The following C12orf42 variants were observed in gnomAD, a reference collection of about 807,000 sequenced individuals.
C12orf42 encodes uncharacterized protein C12orf42.
Under a neutral mutation model 21.6 loss-of-function variants are expected in C12orf42, and 25 were observed. That is an observed-to-expected ratio of 1.16 (90% CI 0.84 to 1.62). The LOEUF is 1.62. C12orf42 is among the 40% of genes most tolerant of loss of function. The pLI is 0.00. For synonymous variants in C12orf42, 174 were observed against 175.0 expected (o/e 0.99, Z 0.05); for missense variants, 483 against 459.3 (o/e 1.05, Z -0.47).
chr12:103,379,159 T>C (rs12829170), intron 3 of C12orf42, among the ~76,000 whole-genome samples: 18,024 of 152,188 alleles, frequency 0.12, 1,198 homozygotes, highest in African/African-American at 0.19. Flanking sequence ...CTTTCTGAAG[T>C]TGTTTTCCAG....
At chr12:103,352,595 T>A (rs1240291090) in intron 4 of C12orf42, among the ~76,000 whole-genome samples, 1 of 151,984 alleles carries the variant, frequency 6.6e-6, no homozygotes, top group East Asian at 1.9e-4. Flanking sequence ...CTCTTTAAAG[T>A]CCCCGTGCAC....
the C12orf42 span, among the ~76,000 whole-genome samples, chr12:103,521,248 CA>C: frequency 2.0e-5 from 3 of 152,134 alleles, no homozygotes; most frequent in Non-Finnish European, 4.4e-5. Flanking sequence ...CAAACTTAAC[CA>C]ATCATTGCAT....
intron 3 of C12orf42, among the ~76,000 whole-genome samples, chr12:103,384,196 A>G (rs531414741): frequency 5.3e-5 from 8 of 152,352 alleles, no homozygotes; most frequent in African/African-American, 1.7e-4. Context: ...TGAGGAATTT[A>G]TATGTCATCA....
At chr12:103,326,418 C>T (rs979214655) in intron 4 of C12orf42, among the ~76,000 whole-genome samples, 13 of 152,206 alleles carry the variant, frequency 8.5e-5, no homozygotes, top group African/African-American at 2.9e-4. Context: ...GATCCTGTTG[C>T]TTCCTTGCTC....
intron 10 of C12orf42, among the ~76,000 whole-genome samples, chr12:103,241,838 T>C (rs1395295516): frequency 6.6e-6 from 1 of 152,178 alleles, no homozygotes; most frequent in Non-Finnish European, 1.5e-5. Flanking sequence ...AACATGTGTG[T>C]TACACTCATT....
At chr12:103,126,606 G>A in the C12orf42 span, among the ~76,000 whole-genome samples, 1 of 151,010 alleles carries the variant, frequency 6.6e-6, no homozygotes, top group Non-Finnish European at 1.5e-5. Context: ...GTAAATATTA[G>A]AAAGGAAGAC....
At chr12:103,110,427 T>C in the C12orf42 span, among the ~76,000 whole-genome samples, 1 of 152,290 alleles carries the variant, frequency 6.6e-6, no homozygotes, top group African/African-American at 2.4e-5. Flanking sequence ...TCAGGATAAG[T>C]AAGGGTTATC....
intron 2 of C12orf42, among the ~76,000 whole-genome samples, chr12:103,433,227 CTG>C: frequency 6.6e-6 from 1 of 152,268 alleles, no homozygotes; most frequent in Non-Finnish European, 1.5e-5. Context: ...CCTTCCTTTC[CTG>C]TGTTTTACTG....
chr12:103,074,953 A>C, the C12orf42 span, among the ~76,000 whole-genome samples: 1 of 151,954 alleles, frequency 6.6e-6, no homozygotes, highest in Admixed American at 6.6e-5. Context: ...TCTGGACTTG[A>C]TAGTGCATGC....
the C12orf42 span, among the ~76,000 whole-genome samples, chr12:103,525,922 G>A: frequency 6.6e-6 from 1 of 152,160 alleles, no homozygotes; most frequent in Non-Finnish European, 1.5e-5. Flanking sequence ...CAGCTACTTG[G>A]AGGCTGAGGC....
chr12:103,239,130 T>G (rs991114524), intron 10 of C12orf42, among the ~76,000 whole-genome samples: 1 of 152,210 alleles, frequency 6.6e-6, no homozygotes, highest in Non-Finnish European at 1.5e-5. Flanking sequence ...CTATAATATT[T>G]GGATAAAATA....
At chr12:103,506,029 C>T in the C12orf42 span, 1 of 209,902 alleles carries the variant, frequency 4.8e-6, no homozygotes, top group South Asian at 8.5e-5. Context: ...CCTTCTGTGG[C>T]CATCTTGGTT....
At chr12:103,396,121 G>A (rs1325080806) in intron 3 of C12orf42, among the ~76,000 whole-genome samples, 2 of 151,186 alleles carry the variant, frequency 1.3e-5, no homozygotes, top group African/African-American at 4.9e-5. Flanking sequence ...AGTTGATATG[G>A]TTTGGCTGTG....
chr12:103,434,868 GC>G (rs1228185129), intron 2 of C12orf42, among the ~76,000 whole-genome samples: 1 of 152,236 alleles, frequency 6.6e-6, no homozygotes, highest in Non-Finnish European at 1.5e-5. Flanking sequence ...AAACAAAGCA[GC>G]CGGGAAGCTC....
At chr12:103,054,746 C>T in the C12orf42 span, among the ~76,000 whole-genome samples, 1 of 151,842 alleles carries the variant, frequency 6.6e-6, no homozygotes, top group Non-Finnish European at 1.5e-5. Flanking sequence ...TTGAGGAAGT[C>T]CCTCTCTATT....
At chr12:103,175,938 G>C in the C12orf42 span, among the ~76,000 whole-genome samples, 3 of 152,150 alleles carry the variant, frequency 2.0e-5, no homozygotes, top group Non-Finnish European at 4.4e-5. Flanking sequence ...GACCTCCTTA[G>C]ATCAGCACAC....
the C12orf42 span, among the ~76,000 whole-genome samples, chr12:103,521,696 A>T: frequency 6.6e-6 from 1 of 152,182 alleles, no homozygotes; most frequent in African/African-American, 2.4e-5. Context: ...ATTTAATTTA[A>T]TTTTTAAAAA....
chr12:103,416,872 T>C (rs1171438127), intron 2 of C12orf42, among the ~76,000 whole-genome samples: 1 of 152,170 alleles, frequency 6.6e-6, no homozygotes, highest in East Asian at 1.9e-4. Flanking sequence ...AGTTAAATGT[T>C]TGTTTTTACA....
chr12:103,269,758 TGCTCAGTACTATG>T (rs1412624225), intron 6 of C12orf42: 11 of 152,136 alleles, frequency 7.2e-5, no homozygotes, highest in African/African-American at 2.6e-4. Flanking sequence ...CAGTGCTGTG[TGCTCAGTACTATG>T]GTAAGGATGC....
Sources: allele counts gnomAD v4.1 joint callset (sites outside exome capture counted in the v4.1 genomes callset), GRCh38; gene constraint gnomAD v4.1.1; transcripts MANE v1.5; gene names NCBI Gene and HGNC (gene_info 2026-07-23, HGNC 2026-07-21).